CCSER2: variants seen among roughly 807,000 people sequenced by gnomAD.
CCSER2 encodes the protein coiled-coil serine rich protein 2.
In CCSER2, 46 loss-of-function variants were observed where a neutral mutation model predicts 92.3. The ratio of observed to expected loss-of-function variants is 0.50; its 90% CI spans 0.39 to 0.64. CCSER2 has a LOEUF of 0.64. Among genes scored for constraint, CCSER2 ranks in the 30% least tolerant of loss-of-function variants. The pLI is 0.00. For missense variants in CCSER2, 1,244 were observed against 1,238.9 expected (o/e 1.00, Z -0.06); for synonymous variants, 433 against 431.4 (o/e 1.00, Z -0.04).
intron 4 of CCSER2, among the ~76,000 whole-genome samples, chr10:84,419,944 C>G (rs1251914601): frequency 1.3e-5 from 2 of 152,074 alleles, no homozygotes; most frequent in Non-Finnish European, 2.9e-5. Flanking sequence ...AAACATAAAC[C>G]ATTGGAAAGT....
intron 3 of CCSER2, among the ~76,000 whole-genome samples, chr10:84,403,954 A>G (rs989882508): frequency 6.6e-5 from 10 of 152,254 alleles, no homozygotes. Flanking sequence ...ATTATGGAAA[A>G]TAATTCAAAA....
intron 3 of CCSER2, among the ~76,000 whole-genome samples, chr10:84,378,493 G>A (rs2133201796): frequency 7.0e-6 from 1 of 142,062 alleles, no homozygotes; most frequent in South Asian, 2.2e-4. Context: ...GGAGTGCGAT[G>A]GCGCAATCTT....
At chr10:84,505,270 G>T (rs1345523089) in intron 9 of CCSER2, among the ~76,000 whole-genome samples, 1 of 152,094 alleles carries the variant, frequency 6.6e-6, no homozygotes, top group Non-Finnish European at 1.5e-5. Context: ...TTACAGAGAG[G>T]AATATTGGTA....
chr10:84,395,262 C>T (rs1393578806), intron 3 of CCSER2, among the ~76,000 whole-genome samples: 2 of 150,854 alleles, frequency 1.3e-5, no homozygotes, highest in African/African-American at 2.4e-5. Flanking sequence ...GTAATATGTT[C>T]CTTTTACCTA....
chr10:84,445,144 G>C (rs1029053278), intron 6 of CCSER2, among the ~76,000 whole-genome samples: 1 of 152,074 alleles, frequency 6.6e-6, no homozygotes, highest in African/African-American at 2.4e-5. Flanking sequence ...GTTTTTTTGT[G>C]GTATCTTGTC....
intron 3 of CCSER2, among the ~76,000 whole-genome samples, chr10:84,415,987 G>A (rs1488357007): frequency 1.3e-5 from 2 of 152,160 alleles, no homozygotes; most frequent in Admixed American, 6.5e-5. Flanking sequence ...GTAATCCCGG[G>A]GGTGGAATAT....
chr10:84,511,869 T>C (rs1411745578), intron 9 of CCSER2, among the ~76,000 whole-genome samples: 1 of 152,244 alleles, frequency 6.6e-6, no homozygotes, highest in African/African-American at 2.4e-5. Flanking sequence ...TTTGTGTTGA[T>C]GTGCTGTGAA....
intron 6 of CCSER2, among the ~76,000 whole-genome samples, chr10:84,443,448 ATC>A (rs1844704467): frequency 6.6e-6 from 1 of 152,246 alleles, no homozygotes; most frequent in Non-Finnish European, 1.5e-5. Flanking sequence ...ATGAGATACC[ATC>A]TCATGCCAGT....
chr10:84,350,101 C>G (rs926653223), intron 1 of CCSER2, among the ~76,000 whole-genome samples: 4 of 152,092 alleles, frequency 2.6e-5, no homozygotes, highest in Non-Finnish European at 1.5e-5. Flanking sequence ...TGCAGTGAGC[C>G]GATATCATGC....
chr10:84,358,507 A>AAT (rs1845311908), intron 1 of CCSER2, among the ~76,000 whole-genome samples: 1 of 151,910 alleles, frequency 6.6e-6, no homozygotes, highest in African/African-American at 2.4e-5. Context: ...TCTAAATTCA[A>AAT]ATATATATGT....
At chr10:84,484,103 A>G (rs1847655866) in intron 9 of CCSER2, among the ~76,000 whole-genome samples, 1 of 149,588 alleles carries the variant, frequency 6.7e-6, no homozygotes, top group African/African-American at 2.5e-5. Context: ...CCTCCCAAGT[A>G]GCTGGGACTA....
chr10:84,410,259 T>C (rs1468701488), intron 3 of CCSER2, among the ~76,000 whole-genome samples: 1 of 152,228 alleles, frequency 6.6e-6, no homozygotes, highest in African/African-American at 2.4e-5. Context: ...GAATTATTTA[T>C]ATTTCTTCAA....
At chr10:84,385,285 C>T (rs1343082188) in intron 3 of CCSER2, among the ~76,000 whole-genome samples, 1 of 152,028 alleles carries the variant, frequency 6.6e-6, no homozygotes, top group Admixed American at 6.6e-5. Flanking sequence ...CAAAAAAACA[C>T]CCCAAACAGC....
In CCSER2 at chr10:84,371,975, G is replaced by A. The variant is rs1165710005; in HGVS notation, c.923G>A (p.Gly308Asp). 4 of 1,613,692 alleles carry A rather than the reference G, an allele frequency of 2.5e-6. No individual in the cohort carries two copies. Among genetic ancestry groups the A allele is most frequent in the East Asian group, 2.2e-5 (1 of 44,870 alleles). ...AAGTTGGCTTTACCAAATGGCCCAG[G>A]TGTAACTTCTACTTTAGGTTATAGA... The part of the protein sequence containing the change: ...GKKLALPNGP[G>D]VTSTLGYRMV... The change falls in exon 2 of 10, where the codon GGT (glycine) becomes GAT (aspartate). Residue 308 changes from glycine to aspartate, a missense_variant. Gly to Asp is a moderately conservative substitution (Grantham distance 94). Coordinates refer to ENST00000372088, the MANE Select transcript of CCSER2 (RefSeq NM_001284240.2).
intron 6 of CCSER2, chr10:84,456,117 G>A (rs1845604253): frequency 8.6e-6 from 3 of 349,436 alleles, no homozygotes; most frequent in South Asian, 5.3e-5. Flanking sequence ...AACAGGAAAC[G>A]CCATGCAGAG....
intron 6 of CCSER2, among the ~76,000 whole-genome samples, chr10:84,459,053 A>G (rs926052493): frequency 6.6e-6 from 1 of 152,058 alleles, no homozygotes; most frequent in Non-Finnish European, 1.5e-5. Context: ...TGTTGCCCAG[A>G]CTGGAATGCA....
At position 84,371,797 on chromosome 10, in the gene CCSER2, G is replaced by T; in HGVS notation, c.745G>T (p.Asp249Tyr). ...TRSHSFNRAVDLTKPYQNQQL... is the reference protein window; with the variant it reads ...TRSHSFNRAVYLTKPYQNQQL... ...ATCACATTCCTTTAATAGAGCTGTG[G>T]ATCTTACAAAGCCTTATCAGAACCA... is the stretch of plus-strand genomic sequence containing the variant. Residue 249 changes from aspartate to tyrosine, a missense_variant, in exon 2 of 10, where the codon GAT becomes TAT. Physicochemically the swap from Asp to Tyr is radical, Grantham distance 160. Coordinates refer to ENST00000372088, the MANE Select transcript of CCSER2 (RefSeq NM_001284240.2). The T allele has an allele frequency of 1.2e-6, 2 of 1,613,786 alleles. No individual in the cohort carries two copies. The highest frequency in any genetic ancestry group is 1.7e-6 in the Non-Finnish European group (2 of 1,179,826).
intron 3 of CCSER2, among the ~76,000 whole-genome samples, chr10:84,384,861 C>G (rs1186940049): frequency 1.3e-5 from 2 of 152,110 alleles, no homozygotes; most frequent in African/African-American, 2.4e-5. Context: ...TTAGAAAACC[C>G]TAAAGATTCC....
chr10:84,511,138 C>T (rs1249009265), intron 9 of CCSER2, among the ~76,000 whole-genome samples: 1 of 152,094 alleles, frequency 6.6e-6, no homozygotes, highest in Non-Finnish European at 1.5e-5. Flanking sequence ...ATTTATAAAA[C>T]TGTTAAATTC....
Sources: allele counts gnomAD v4.1 joint callset (sites outside exome capture counted in the v4.1 genomes callset), GRCh38; gene constraint gnomAD v4.1.1; transcripts MANE v1.5; gene names NCBI Gene and HGNC (gene_info 2026-07-23, HGNC 2026-07-21).